SLC4A7: variants seen among roughly 807,000 people sequenced by gnomAD.
SLC4A7 encodes the protein solute carrier family 4 member 7, also known as sodium bicarbonate cotransporter 3.
In SLC4A7, 51 loss-of-function variants were observed where a neutral mutation model predicts 137.6. That is an observed-to-expected ratio of 0.37 (90% CI 0.30 to 0.47). The LOEUF (loss-of-function observed/expected upper bound fraction) is 0.47, where lower values mean the gene tolerates loss of function less well. Ranked by LOEUF, SLC4A7 falls within the 20% of genes least tolerant of loss-of-function variation. The pLI, the probability that SLC4A7 is intolerant of heterozygous loss-of-function variation, is 1.00. For synonymous variants in SLC4A7, 542 were observed against 518.6 expected, an observed-to-expected ratio of 1.05 and a Z score of -0.61; for missense variants, 1,247 against 1,525.4, an observed-to-expected ratio of 0.82 and a Z score of 3.04.
Position 27,376,641 on chromosome 3 carries a change from A to T in SLC4A7, c.*123T>A. ...GTGCTCATTACAAACTCCAGACACT[A>T]CTTTTAAAAACCCGGTAGTCACACA... On this transcript the variant is annotated 3_prime_UTR_variant, in exon 26 of 26. Transcript: ENST00000454389. The T allele has an allele frequency of 1.8e-6, 1 of 560,654 alleles. No individual in the cohort carries two copies. Among genetic ancestry groups the T allele is most frequent in the Non-Finnish European group, 3.2e-6 (1 of 314,740 alleles). The allele number at this position is 560,654 out of a possible 1,614,324, so 34.7% of individuals were successfully genotyped here.
At chr3:27,442,351 T>C (rs981885905) in intron 3 of SLC4A7, among the ~76,000 whole-genome samples, 1 of 152,184 alleles carries the variant, frequency 6.6e-6, no homozygotes, top group African/African-American at 2.4e-5. Context: ...CTTCTATACT[T>C]TGTAATAAAC....
intron 20 of SLC4A7, 137 bp downstream of exon 20, chr3:27,394,381 G>T: frequency 1.3e-6 from 1 of 773,058 alleles, no homozygotes; most frequent in Non-Finnish European, 2.1e-6. Context: ...AAAACCTAAT[G>T]AAATTATTTC....
intron 21 of SLC4A7, among the ~76,000 whole-genome samples, chr3:27,391,420 T>C (rs2051542143): frequency 6.6e-6 from 1 of 152,242 alleles, no homozygotes; most frequent in Admixed American, 6.5e-5. Flanking sequence ...TCTACCTTTT[T>C]AAGTACCAAA....
chr3:27,408,363 T>C (rs185339337), intron 13 of SLC4A7, among the ~76,000 whole-genome samples: 2 of 152,304 alleles, frequency 1.3e-5, no homozygotes, highest in East Asian at 3.9e-4. Context: ...ACATGCACAA[T>C]TTGTGACAGC....
At chr3:27,417,687 G>A (rs1487658570) in intron 11 of SLC4A7, among the ~76,000 whole-genome samples, 2 of 152,184 alleles carry the variant, frequency 1.3e-5, no homozygotes, top group African/African-American at 2.4e-5. Flanking sequence ...CCAGGAAACT[G>A]AGGCTGCAGT....
At chr3:27,447,695 T>G (rs1259817624) in intron 3 of SLC4A7, among the ~76,000 whole-genome samples, 1 of 146,048 alleles carries the variant, frequency 6.8e-6, no homozygotes, top group Non-Finnish European at 1.5e-5. Context: ...CAGGGCCACT[T>G]AAAACATGGC....
At chr3:27,426,852 T>C (rs759365121) in intron 7 of SLC4A7, among the ~76,000 whole-genome samples, 3 of 152,100 alleles carry the variant, frequency 2.0e-5, no homozygotes, top group Non-Finnish European at 2.9e-5. Context: ...CCTGCTCCTA[T>C]AATAAATTCC....
intron 3 of SLC4A7, among the ~76,000 whole-genome samples, chr3:27,437,869 A>G (rs2056861731): frequency 6.6e-6 from 1 of 152,228 alleles, no homozygotes; most frequent in East Asian, 1.9e-4. Context: ...TTTCCTCACC[A>G]AAACTACATG....
chr3:27,430,320 C>CAA (rs71295075), intron 7 of SLC4A7, among the ~76,000 whole-genome samples: 1 of 151,770 alleles, frequency 6.6e-6, no homozygotes, highest in Non-Finnish European at 1.5e-5. Context: ...CACACACACA[C>CAA]AAAACCAAGC....
At chr3:27,456,375 T>C (rs1441764996) in intron 1 of SLC4A7, among the ~76,000 whole-genome samples, 1 of 152,234 alleles carries the variant, frequency 6.6e-6, no homozygotes, top group Non-Finnish European at 1.5e-5. Context: ...AAGTGATTTC[T>C]TTCCTAATAT....
intron 17 of SLC4A7, 150 bp from the exon 18 acceptor site, chr3:27,397,947 T>TTAA (rs1559659458): frequency 8.0e-6 from 5 of 621,782 alleles, no homozygotes; most frequent in Non-Finnish European, 1.4e-5. Context: ...ACATTTATAT[T>TTAA]TAATTCTTTC....
chr3:27,377,408 G>T lies in SLC4A7; in HGVS notation c.3699-563C>A, dbSNP rs557655899. 6.6e-5 allele frequency among the ~76,000 whole-genome samples: 10 copies of T among 151,648 alleles called. 1 individual carries two copies. The highest frequency in any genetic ancestry group is 2.4e-4 in the African/African-American group (10 of 41,358). On this transcript the variant is annotated intron_variant, in intron 25 of 25. Transcript: ENST00000454389. Reference sequence around the variant, plus strand: ...ATTTGAAATATATATATGTTTTTTTGAGAGACAGAGTTTTGCTCTTGTTGC... The same window carrying T: ...ATTTGAAATATATATATGTTTTTTTTAGAGACAGAGTTTTGCTCTTGTTGC...
At chr3:27,469,680 GA>G (rs2059155222) in intron 1 of SLC4A7, among the ~76,000 whole-genome samples, 1 of 152,044 alleles carries the variant, frequency 6.6e-6, no homozygotes, top group Non-Finnish European at 1.5e-5. Context: ...TTGAACCCGG[GA>G]AGCAGAGGTT....
chr3:27,379,149 T>A lies in SLC4A7; in HGVS notation c.3698+100A>T, dbSNP rs2050173736. ...ATTATTATTTATACCTTATTCCAAG[T>A]ATACATTAAAATGATGGATGAAAGA... On this transcript the variant is annotated intron_variant, in intron 25 of 25. Transcript: ENST00000454389. 3 of 662,068 alleles carry A rather than the reference T, an allele frequency of 4.5e-6. No homozygotes were observed. The South Asian group carries it at 5.2e-5, about 11-fold the overall frequency. 41.0% of individuals were successfully genotyped at this position (662,068 alleles called of 1,614,324 possible).
At chr3:27,398,080 GT>G in intron 17 of SLC4A7, 111 bp downstream of exon 17, 1 of 734,780 alleles carries the variant, frequency 1.4e-6, no homozygotes, top group Non-Finnish European at 2.2e-6. Flanking sequence ...TTATTAACCA[GT>G]TGGCATGGAG....
intron 25 of SLC4A7, among the ~76,000 whole-genome samples, chr3:27,378,525 T>C (rs1026784270): frequency 6.6e-6 from 1 of 152,196 alleles, no homozygotes; most frequent in African/African-American, 2.4e-5. Flanking sequence ...CCTGAGGGCT[T>C]AGTTCTTGAA....
intron 11 of SLC4A7, among the ~76,000 whole-genome samples, chr3:27,413,756 T>C (rs1198012282): frequency 2.0e-5 from 3 of 152,156 alleles, no homozygotes; most frequent in Non-Finnish European, 4.4e-5. Flanking sequence ...TCTTACTTAA[T>C]GGGAGAAATA....
intron 23 of SLC4A7, among the ~76,000 whole-genome samples, chr3:27,385,207 A>G (rs2050814808): frequency 1.3e-5 from 2 of 152,164 alleles, no homozygotes; most frequent in Admixed American, 1.3e-4. Flanking sequence ...GGAGCAAGGA[A>G]CTACAATCAA....
Position 27,472,449 on chromosome 3 carries a change from T to G in SLC4A7, c.60+11618A>C, listed in dbSNP as rs141781995. Among the ~76,000 whole-genome samples the G allele has an allele frequency of 6.8e-4, 103 of 152,034 alleles. No homozygotes were observed. The East Asian group carries it at 0.018, about 27-fold the overall frequency. ...TGGGTTGCGTCACTGCACTCCAGCC[T>G]GGGCGACAGAATGAGACTCCATCTC... On this transcript the variant is annotated intron_variant, in intron 1 of 25. Transcript: ENST00000454389.
Sources: allele counts gnomAD v4.1 joint callset (sites outside exome capture counted in the v4.1 genomes callset), GRCh38; gene constraint gnomAD v4.1.1; transcripts MANE v1.5; gene names NCBI Gene and HGNC (gene_info 2026-07-23, HGNC 2026-07-21).